Variants in MPP4 observed in about 807,000 individuals in gnomAD.
The protein encoded by MPP4 is MAGUK p55 subfamily member 4.
In MPP4, 91 loss-of-function variants were observed where a neutral mutation model predicts 98.3. The observed-to-expected ratio is 0.93, with a 90% CI of 0.78 to 1.10. MPP4 has a LOEUF of 1.10. MPP4 is among the 50% of genes least tolerant of loss of function. MPP4 has a pLI of 0.00. For missense variants in MPP4, 744 were observed against 792.9 expected (o/e 0.94, Z 0.74); for synonymous variants, 261 against 271.8 (o/e 0.96, Z 0.39).
rs929926346 is a variant in MPP4 at position 201,657,590 on chromosome 2, G to GTT, written c.1129+885_1129+886dup. 4.7e-4 allele frequency among the ~76,000 whole-genome samples: 43 copies of GTT among 91,090 alleles called. 5 individuals are homozygous for GTT. Among genetic ancestry groups the GTT allele is most frequent in the East Asian group, 7.7e-4 (2 of 2,596 alleles). The allele number at this position is 91,090 out of a possible 152,430, so 59.8% of individuals were successfully genotyped here. On this transcript the variant is annotated intron_variant, in intron 16 of 21. Coordinates refer to ENST00000409474, the MANE Select transcript of MPP4 (RefSeq NM_033066.3). ...TCTAACAGTGAGAACCCTGGCCCTT[G>GTT]TTTTTTTTTTGTTTTTTTGTTTTTT...
At chr2:201,658,007 G>A (rs1255709452) in intron 16 of MPP4, among the ~76,000 whole-genome samples, 2 of 138,660 alleles carry the variant, frequency 1.4e-5, no homozygotes, top group Admixed American at 1.5e-4. Context: ...ATTCCAAAAT[G>A]CATCCAGCTT....
intron 4 of MPP4, among the ~76,000 whole-genome samples, chr2:201,689,266 A>G (rs1171954274): frequency 1.3e-5 from 2 of 152,184 alleles, no homozygotes; most frequent in Non-Finnish European, 2.9e-5. Flanking sequence ...CAGAGGTTGC[A>G]GTGAGCAGAG....
chr2:201,698,029 T>C (rs1234907387), intron 1 of MPP4: 2 of 985,530 alleles, frequency 2.0e-6, no homozygotes, highest in East Asian at 2.3e-4. Context: ...TGCAAATAAG[T>C]AAGCACCCAC....
chr2:201,645,241 G>A lies in MPP4; in HGVS notation c.1883C>T (p.Thr628Ile). 2 of 1,613,408 alleles carry A rather than the reference G, an allele frequency of 1.2e-6. No homozygotes were observed. The highest frequency in any genetic ancestry group is 2.7e-5 in the African/African-American group (2 of 75,042). Residue 628 changes from threonine to isoleucine, a missense_variant, in exon 22 of 22, where the codon ACA becomes ATA. Transcript: ENST00000409474. ...AGACTCAGTATCTGAGGAAATCCAT[G>A]TTGCTGGTACCCACTGAGGCTCCTC... ...AQEEPQWVPA[T>I]WISSDTESQ
rs1169422654 is a variant in MPP4 at position 201,685,163 on chromosome 2, G to T, written c.493-18C>A. The T allele has an allele frequency of 1.3e-6, 2 of 1,598,230 alleles. No homozygotes were observed. Among genetic ancestry groups the T allele is most frequent in the Non-Finnish European group, 1.7e-6 (2 of 1,171,056 alleles). On this transcript the variant is annotated intron_variant, in intron 6 of 21. Transcript: ENST00000409474. ...GTGGCTCCCTGAAGAGAGAATAGAC[G>T]AGATCCCTCTGTTACCTGACATGAC...
intron 21 of MPP4, 94 bp from the exon 22 acceptor site, chr2:201,645,498 C>A: frequency 9.2e-7 from 1 of 1,083,286 alleles, no homozygotes; most frequent in South Asian, 2.2e-5. Context: ...AGTTGTGAAA[C>A]TATGTATAAA....
At chr2:201,698,489 C>T in intron 1 of MPP4, 98 bp downstream of exon 1, 2 of 890,938 alleles carry the variant, frequency 2.2e-6, no homozygotes, top group Non-Finnish European at 3.2e-6. Context: ...GTTAGATTAC[C>T]CAGATTTATA....
intron 10 of MPP4, chr2:201,680,551 A>C (rs547436104): frequency 1.6e-5 from 5 of 317,906 alleles, no homozygotes; most frequent in African/African-American, 8.3e-5. Context: ...TCAACATATG[A>C]ATTTTGGAGA....
chr2:201,691,600 C>T (rs1180944679), intron 3 of MPP4, among the ~76,000 whole-genome samples: 8 of 152,212 alleles, frequency 5.3e-5, no homozygotes. Context: ...TCACTACAAC[C>T]TCTGCCTCCC....
Position 201,645,134 on chromosome 2 carries a change from C to A in MPP4, c.*76G>T. The A allele has an allele frequency of 7.8e-7, 1 of 1,281,878 alleles. No homozygotes were observed. 79.4% of individuals were successfully genotyped at this position (1,281,878 alleles called of 1,614,324 possible). On this transcript the variant is annotated 3_prime_UTR_variant, in exon 22 of 22. Transcript: ENST00000409474. Reference sequence around the variant, plus strand: ...TGTACACATTAAAATGGGTCAAATACTGTTGTTTTAGATTGCAACTATGGA... The same window carrying A: ...TGTACACATTAAAATGGGTCAAATAATGTTGTTTTAGATTGCAACTATGGA...
intron 12 of MPP4, chr2:201,666,806 A>G (rs1688194287): frequency 6.6e-6 from 1 of 152,228 alleles, no homozygotes; most frequent in Non-Finnish European, 1.5e-5. Context: ...CAAAATACAA[A>G]TAAAATTAGG....
At chr2:201,692,580 G>A (rs1316824925) in intron 3 of MPP4, among the ~76,000 whole-genome samples, 1 of 150,112 alleles carries the variant, frequency 6.7e-6, no homozygotes, top group South Asian at 2.1e-4. Context: ...GTCTTTGGGA[G>A]CCGATAGGTC....
chr2:201,648,105 T>C (rs973860737), intron 20 of MPP4, among the ~76,000 whole-genome samples: 3 of 152,190 alleles, frequency 2.0e-5, no homozygotes, highest in African/African-American at 7.2e-5. Flanking sequence ...TCACTGCAAC[T>C]ACCGCCTTCC....
chr2:201,682,615 G>A (rs1291464998), intron 8 of MPP4, among the ~76,000 whole-genome samples: 1 of 152,158 alleles, frequency 6.6e-6, no homozygotes, highest in Non-Finnish European at 1.5e-5. Flanking sequence ...CTTGGGACGG[G>A]AAGTTTCCCA....
At chr2:201,671,055 C>T (rs568634836) in intron 11 of MPP4, among the ~76,000 whole-genome samples, 1 of 152,206 alleles carries the variant, frequency 6.6e-6, no homozygotes, top group South Asian at 2.1e-4. Flanking sequence ...CCATGTTCTT[C>T]GCAACCCACA....
rs372741246 is a variant in MPP4, at chr2:201,685,130, G to A, written c.508C>T (p.Arg170Cys). The change falls in exon 7 of 22, where the codon CGC (arginine) becomes TGC (cysteine). Residue 170 changes from arginine to cysteine, a missense_variant. Transcript: ENST00000409474. ...NQQPLGATIK[R>C]HEMTGDILVA... is the part of the protein sequence containing the mutation. ...AAGATGTCCCCTGTCATCTCGTGGC[G>A]CTTGATGGTGGCTCCCTGAAGAGAG... 3.3e-5 allele frequency: 53 copies of A among 1,610,464 alleles called. 1 individual carries two copies. Among genetic ancestry groups the A allele is most frequent in the South Asian group, 5.6e-5 (5 of 89,920 alleles).
chr2:201,679,857 C>A (rs931683920), intron 10 of MPP4, among the ~76,000 whole-genome samples: 2 of 152,174 alleles, frequency 1.3e-5, no homozygotes, highest in African/African-American at 4.8e-5. Context: ...TTCTTCAAAT[C>A]CCACTCTAAT....
At chr2:201,657,954 G>GTT (rs775379919) in intron 16 of MPP4, among the ~76,000 whole-genome samples, 14 of 129,966 alleles carry the variant, frequency 1.1e-4, no homozygotes, top group South Asian at 7.4e-4. Flanking sequence ...GTGGCCCCTT[G>GTT]TTTTTTTTTT....
intron 14 of MPP4, among the ~76,000 whole-genome samples, chr2:201,662,500 C>CAAA (rs57262157): frequency 3.3e-4 from 25 of 75,186 alleles, no homozygotes; most frequent in African/African-American, 5.6e-4. Context: ...GACTCTGTCT[C>CAAA]AAAAAAAAAA....
Sources: gnomAD v4.1 joint callset for allele counts (sites outside exome capture counted in the v4.1 genomes callset) on GRCh38, gnomAD v4.1.1 for gene constraint, MANE v1.5 for transcripts, NCBI Gene and HGNC (gene_info 2026-07-23, HGNC 2026-07-21) for gene names.